CNTNAP5: variants seen among roughly 807,000 people sequenced by gnomAD.
The protein encoded by CNTNAP5 is contactin-associated protein-like 5.
Under a neutral mutation model 150.2 loss-of-function variants are expected in CNTNAP5, and 72 were observed. The observed-to-expected ratio is 0.48, with a 90% CI of 0.40 to 0.58. The LOEUF (loss-of-function observed/expected upper bound fraction) is 0.58, where lower values mean the gene tolerates loss of function less well. Ranked by LOEUF, CNTNAP5 falls within the 20% of genes least tolerant of loss-of-function variation. The pLI, the probability that CNTNAP5 is intolerant of heterozygous loss-of-function variation, is 0.00. For missense variants in CNTNAP5, 1,636 were observed against 1,626.2 expected (o/e 1.01, Z -0.10); for synonymous variants, 672 against 619.8 (o/e 1.08, Z -1.25).
At chr2:124,424,276 C>T (rs1216386762) in intron 4 of CNTNAP5, among the ~76,000 whole-genome samples, 1 of 152,174 alleles carries the variant, frequency 6.6e-6, no homozygotes, top group Non-Finnish European at 1.5e-5. Context: ...AGTTGTAAAT[C>T]TCACCTCTGA....
chr2:124,711,635 G>A (rs34989764), intron 13 of CNTNAP5, among the ~76,000 whole-genome samples: 24,673 of 151,988 alleles, frequency 0.16, 2,252 homozygotes, highest in East Asian at 0.24. Context: ...AGGCCATCTT[G>A]GCTAACACGG....
chr2:124,858,448 C>G (rs1281095266), intron 19 of CNTNAP5, among the ~76,000 whole-genome samples: 1 of 152,140 alleles, frequency 6.6e-6, no homozygotes, highest in Non-Finnish European at 1.5e-5. Context: ...TAACTCCCAT[C>G]CACAATTGCT....
intron 3 of CNTNAP5, among the ~76,000 whole-genome samples, chr2:124,312,141 A>G (rs1391062118): frequency 6.6e-6 from 1 of 152,216 alleles, no homozygotes; most frequent in Non-Finnish European, 1.5e-5. Flanking sequence ...CCAGCATTTC[A>G]TATGGGGGCT....
intron 1 of CNTNAP5, among the ~76,000 whole-genome samples, chr2:124,198,415 C>G (rs1190566089): frequency 6.6e-6 from 1 of 150,562 alleles, no homozygotes; most frequent in Non-Finnish European, 1.5e-5. Flanking sequence ...GTTTTTTTTT[C>G]TTTTCCGACT....
intron 1 of CNTNAP5, among the ~76,000 whole-genome samples, chr2:124,193,131 T>A (rs562498686): frequency 6.6e-6 from 1 of 152,256 alleles, no homozygotes; most frequent in East Asian, 1.9e-4. Flanking sequence ...TCCAAATTTC[T>A]CTCTTCTTAT....
At chr2:124,367,054 T>C (rs1023503653) in intron 3 of CNTNAP5, among the ~76,000 whole-genome samples, 4 of 152,184 alleles carry the variant, frequency 2.6e-5, no homozygotes, top group Admixed American at 2.6e-4. Context: ...ACATGTTTGA[T>C]GCAAAGTCAG....
intron 19 of CNTNAP5, among the ~76,000 whole-genome samples, chr2:124,857,848 A>C (rs1311362465): frequency 3.9e-5 from 6 of 152,024 alleles, no homozygotes; most frequent in Non-Finnish European, 8.8e-5. Flanking sequence ...CACAAAAACA[A>C]AAACATATAC....
rs190368077 is a variant in CNTNAP5 at position 124,032,124 on chromosome 2, G to A, written c.82+6392G>A. ...GTTAGAAAAATAAACCTTTAGTCAT[G>A]TCAGAGTGATAAATGCTATGATAAA... is the stretch of plus-strand genomic sequence containing the variant. On this transcript the variant is annotated intron_variant, in intron 1 of 23. Coordinates refer to ENST00000682447, the MANE Select transcript of CNTNAP5 (RefSeq NM_001367498.1). 4.5e-3 allele frequency among the ~76,000 whole-genome samples: 685 copies of A among 152,202 alleles called. 4 individuals carry two copies. Among genetic ancestry groups the A allele is most frequent in the Non-Finnish European group, 5.7e-3 (386 of 68,002 alleles).
chr2:124,074,660 A>C (rs1423103002), intron 1 of CNTNAP5, among the ~76,000 whole-genome samples: 1 of 152,090 alleles, frequency 6.6e-6, no homozygotes, highest in Non-Finnish European at 1.5e-5. Flanking sequence ...CCTAGACAGC[A>C]CTTACCAGCC....
intron 4 of CNTNAP5, among the ~76,000 whole-genome samples, chr2:124,431,941 C>A (rs1414493553): frequency 1.3e-5 from 2 of 151,974 alleles, no homozygotes; most frequent in Non-Finnish European, 2.9e-5. Context: ...TACCAGGGAA[C>A]CAAAGGCAAA....
At chr2:124,497,832 G>T (rs568690567) in intron 7 of CNTNAP5, among the ~76,000 whole-genome samples, 1 of 152,114 alleles carries the variant, frequency 6.6e-6, no homozygotes, top group Admixed American at 6.5e-5. Flanking sequence ...CCACTGCAGT[G>T]GTTCCATCCT....
At chr2:124,735,376 A>G (rs909229007) in intron 13 of CNTNAP5, among the ~76,000 whole-genome samples, 3 of 152,080 alleles carry the variant, frequency 2.0e-5, no homozygotes, top group African/African-American at 7.2e-5. Flanking sequence ...GTTTAGGCCA[A>G]TTAGACTTCA....
At chr2:124,440,082 C>A (rs1047037374) in intron 5 of CNTNAP5, among the ~76,000 whole-genome samples, 1 of 152,070 alleles carries the variant, frequency 6.6e-6, no homozygotes, top group Non-Finnish European at 1.5e-5. Flanking sequence ...TTCTTTGAGT[C>A]CTTAGGTAAA....
At chr2:124,086,198 T>G (rs1209223977) in intron 1 of CNTNAP5, among the ~76,000 whole-genome samples, 1 of 139,658 alleles carries the variant, frequency 7.2e-6, no homozygotes, top group Non-Finnish European at 1.5e-5. Flanking sequence ...CTTTTTTTTT[T>G]TTTTTTTTTT....
At chr2:124,146,459 A>AAG (rs1338923384) in intron 1 of CNTNAP5, among the ~76,000 whole-genome samples, 1 of 152,122 alleles carries the variant, frequency 6.6e-6, no homozygotes, top group Non-Finnish European at 1.5e-5. Context: ...ATCCTAAATA[A>AAG]AGAGAGAGAA....
intron 3 of CNTNAP5, among the ~76,000 whole-genome samples, chr2:124,381,530 T>G (rs1054819374): frequency 6.6e-6 from 1 of 151,948 alleles, no homozygotes; most frequent in Non-Finnish European, 1.5e-5. Flanking sequence ...GGTGATAGGA[T>G]CACCCCCCCC....
At chr2:124,724,209 C>T (rs928991796) in intron 13 of CNTNAP5, among the ~76,000 whole-genome samples, 2 of 151,706 alleles carry the variant, frequency 1.3e-5, no homozygotes, top group East Asian at 1.9e-4. Flanking sequence ...AATTCAGAGG[C>T]ATTCTGAGGT....
chr2:124,054,919 C>G (rs1323986695), intron 1 of CNTNAP5, among the ~76,000 whole-genome samples: 1 of 152,124 alleles, frequency 6.6e-6, no homozygotes, highest in Non-Finnish European at 1.5e-5. Context: ...CAGAGGAGCT[C>G]TGGTTGGGAA....
chr2:124,042,417 T>G (rs1681399024), intron 1 of CNTNAP5, among the ~76,000 whole-genome samples: 1 of 152,192 alleles, frequency 6.6e-6, no homozygotes, highest in African/African-American at 2.4e-5. Flanking sequence ...TCATATTTAT[T>G]ATACTTTTCA....
Sources: gnomAD v4.1 joint callset for allele counts (sites outside exome capture counted in the v4.1 genomes callset) on GRCh38, gnomAD v4.1.1 for gene constraint, MANE v1.5 for transcripts, NCBI Gene and HGNC (gene_info 2026-07-23, HGNC 2026-07-21) for gene names.